The following DDC variants were observed in gnomAD, a reference collection of about 807,000 sequenced individuals.
DDC encodes the protein aromatic-L-amino-acid decarboxylase.
A neutral mutation model predicts 60.0 loss-of-function variants in DDC; 43 were observed. The ratio of observed to expected loss-of-function variants is 0.72; its 90% CI spans 0.56 to 0.92. The LOEUF is 0.92. DDC is among the 40% of genes least tolerant of loss of function. DDC has a pLI of 0.00. For missense variants in DDC, 573 were observed against 620.2 expected, an observed-to-expected ratio of 0.92 and a Z score of 0.81; for synonymous variants, 232 against 234.6, an observed-to-expected ratio of 0.99 and a Z score of 0.10.
At chr7:50,513,488 G>A (rs1006506699) in intron 6 of DDC, among the ~76,000 whole-genome samples, 1 of 152,294 alleles carries the variant, frequency 6.6e-6, no homozygotes, top group South Asian at 2.1e-4. Context: ...GCCAGAACTC[G>A]GGGACGGTGC....
intron 7 of DDC, among the ~76,000 whole-genome samples, chr7:50,500,095 G>A (rs1038851827): frequency 7.2e-5 from 11 of 152,140 alleles, no homozygotes; most frequent in Non-Finnish European, 1.5e-4. Context: ...GCACCCAGGA[G>A]AGTAAGAGTT....
At chr7:50,517,617 G>C (rs957271151) in intron 6 of DDC, among the ~76,000 whole-genome samples, 1 of 152,092 alleles carries the variant, frequency 6.6e-6, no homozygotes, top group Admixed American at 6.5e-5. Flanking sequence ...ATCCAAATCA[G>C]TAAAGAGGAA....
intron 6 of DDC, among the ~76,000 whole-genome samples, chr7:50,514,108 C>T (rs1405152944): frequency 6.6e-6 from 1 of 152,202 alleles, no homozygotes. Flanking sequence ...AGAACAGGTG[C>T]TGGTATCCAT....
At chr7:50,514,936 G>A (rs2043686203) in intron 6 of DDC, among the ~76,000 whole-genome samples, 1 of 152,084 alleles carries the variant, frequency 6.6e-6, no homozygotes, top group Admixed American at 6.5e-5. Flanking sequence ...TTGAACCTAA[G>A]AATAATCAGT....
chr7:50,503,926 G>A, intron 7 of DDC, 67 bp downstream of exon 7: 1 of 1,101,908 alleles, frequency 9.1e-7, no homozygotes, highest in South Asian at 1.2e-5. Flanking sequence ...GATCAACGAG[G>A]AAGGTTTGCT....
intron 6 of DDC, among the ~76,000 whole-genome samples, chr7:50,511,212 T>C (rs1431264871): frequency 6.6e-6 from 1 of 151,586 alleles, no homozygotes; most frequent in Non-Finnish European, 1.5e-5. Flanking sequence ...TTATATTTAT[T>C]TATGTTATAT....
In DDC at chr7:50,540,042, C is replaced by T; in HGVS notation, c.202-14G>A. ...CCAGTGCGTCACCTGCATGGGAGGA[C>T]AGAGCAGCTGCTGAGGAGTGAGGAA... On this transcript the variant is annotated splice_polypyrimidine_tract_variant and intron_variant, in intron 2 of 14. Transcript: ENST00000444124. 1 of 1,599,482 alleles carries T rather than the reference C, an allele frequency of 6.3e-7. No homozygotes were observed.
chr7:50,553,863 A>C (rs1236651238), intron 1 of DDC, among the ~76,000 whole-genome samples: 3 of 152,190 alleles, frequency 2.0e-5, no homozygotes, highest in African/African-American at 7.2e-5. Flanking sequence ...GCTTCCAAGC[A>C]AGACCATAAA....
chr7:50,502,995 T>C (rs1046372424), intron 7 of DDC, among the ~76,000 whole-genome samples: 4 of 152,124 alleles, frequency 2.6e-5, no homozygotes, highest in African/African-American at 9.7e-5. Flanking sequence ...GCACCGGCCT[T>C]CCCCAGCTGC....
At chr7:50,535,242 T>C (rs1032596120) in intron 4 of DDC, among the ~76,000 whole-genome samples, 1 of 152,210 alleles carries the variant, frequency 6.6e-6, no homozygotes, top group South Asian at 2.1e-4. Context: ...CGGCAACCTC[T>C]GCCTCCCAGG....
chr7:50,544,402 C>T (rs778224525), intron 1 of DDC, among the ~76,000 whole-genome samples: 15 of 152,206 alleles, frequency 9.9e-5, no homozygotes, highest in Non-Finnish European at 1.8e-4. Context: ...TTTTCATGAT[C>T]GATTCCAACT....
At chr7:50,504,547 A>G (rs1172865979) in intron 6 of DDC, among the ~76,000 whole-genome samples, 1 of 150,826 alleles carries the variant, frequency 6.6e-6, no homozygotes, top group African/African-American at 2.4e-5. Context: ...AATTAAATTT[A>G]TAATTAAGTT....
intron 6 of DDC, among the ~76,000 whole-genome samples, chr7:50,508,438 G>A (rs2043459098): frequency 6.6e-6 from 1 of 152,208 alleles, no homozygotes; most frequent in East Asian, 1.9e-4. Flanking sequence ...CTGCATCCTT[G>A]CCCCTTCGAC....
chr7:50,469,033 A>G (rs150035943), intron 12 of DDC, among the ~76,000 whole-genome samples: 7,782 of 144,866 alleles, frequency 0.054, 472 homozygotes, highest in African/African-American at 0.15. Context: ...TCTGCCTCCC[A>G]GGTTCAAGTG....
chr7:50,488,631 AT>A (rs145503124), intron 9 of DDC, among the ~76,000 whole-genome samples: 14,405 of 152,158 alleles, frequency 0.095, 1,047 homozygotes, highest in South Asian at 0.12. Flanking sequence ...TTATGAAAAA[AT>A]ATTTATGTGA....
At chr7:50,563,522 C>T (rs2045381684) in intron 1 of DDC, among the ~76,000 whole-genome samples, 1 of 152,092 alleles carries the variant, frequency 6.6e-6, no homozygotes, top group Admixed American at 6.5e-5. Context: ...CCAAGATTTT[C>T]TTTATATATT....
At chr7:50,502,060 C>T (rs906803660) in intron 7 of DDC, among the ~76,000 whole-genome samples, 1 of 152,056 alleles carries the variant, frequency 6.6e-6, no homozygotes, top group Non-Finnish European at 1.5e-5. Flanking sequence ...CAGAGCAAGA[C>T]TCCATCTCAA....
rs531597645 is a variant in DDC, at chr7:50,464,531, C to G, written c.1243-1100G>C. Among the ~76,000 whole-genome samples, 19 of 152,308 alleles carry G rather than the reference C, an allele frequency of 1.2e-4. No homozygotes were observed. The South Asian group carries it at 3.9e-3, about 32-fold the overall frequency. On this transcript the variant is annotated intron_variant, in intron 13 of 14. Coordinates refer to ENST00000444124, the MANE Select transcript of DDC (RefSeq NM_001082971.2). Reference sequence around the variant, plus strand: ...AGGGAATGGAATTTTACCAAAAAGACTCAGTATGAGAGCAAACATCTGCAA... The same window carrying G: ...AGGGAATGGAATTTTACCAAAAAGAGTCAGTATGAGAGCAAACATCTGCAA...
chr7:50,509,377 T>G (rs916653610), intron 6 of DDC, among the ~76,000 whole-genome samples: 1 of 152,228 alleles, frequency 6.6e-6, no homozygotes, highest in Non-Finnish European at 1.5e-5. Context: ...TTTGTTTCTC[T>G]TAATGAAATG....
Sources: allele counts gnomAD v4.1 joint callset (sites outside exome capture counted in the v4.1 genomes callset), GRCh38; gene constraint gnomAD v4.1.1; transcripts MANE v1.5; gene names NCBI Gene and HGNC (gene_info 2026-07-23, HGNC 2026-07-21).